The following CEP95 variants were observed in gnomAD, a reference collection of about 807,000 sequenced individuals.
The protein encoded by CEP95 is centrosomal protein of 95 kDa.
CEP95 carries 98 observed loss-of-function variants against 111.2 expected under a neutral mutation model. That is an observed-to-expected ratio of 0.88 (90% CI 0.75 to 1.04). CEP95 has a LOEUF of 1.04. CEP95 is among the 50% of genes least tolerant of loss of function. The pLI, the probability that CEP95 is intolerant of heterozygous loss-of-function variation, is 0.00. For missense variants in CEP95, 1,027 were observed against 977.2 expected, an observed-to-expected ratio of 1.05 and a Z score of -0.68; for synonymous variants, 323 against 327.1, an observed-to-expected ratio of 0.99 and a Z score of 0.14.
At chr17:64,508,014 A>G in intron 1 of CEP95, 1 of 985,230 alleles carries the variant, frequency 1.0e-6, no homozygotes, top group Non-Finnish European at 1.2e-6. Context: ...TTTCTTTCAT[A>G]TAGATCGATA....
intron 13 of CEP95, 117 bp from the exon 14 acceptor site, chr17:64,531,773 A>T: frequency 1.5e-6 from 1 of 678,076 alleles, no homozygotes; most frequent in South Asian, 3.9e-5. Context: ...GCTTACTGTT[A>T]GCTAAAAAAC....
chr17:64,508,012 A>C (rs1288775723), intron 1 of CEP95: 15 of 985,046 alleles, frequency 1.5e-5, no homozygotes, highest in Non-Finnish European at 1.7e-5. Flanking sequence ...ATTTTCTTTC[A>C]TATAGATCGA....
chr17:64,509,907 A>ATG (rs1249706047), intron 2 of CEP95, among the ~76,000 whole-genome samples: 1 of 149,958 alleles, frequency 6.7e-6, no homozygotes, highest in Non-Finnish European at 1.5e-5. Context: ...CTATATATCT[A>ATG]TATATATATA....
intron 2 of CEP95, among the ~76,000 whole-genome samples, chr17:64,509,930 AATATTCAACC>A (rs1172773652): frequency 6.6e-6 from 1 of 151,970 alleles, no homozygotes; most frequent in East Asian, 1.9e-4. Context: ...TGGTGTAATA[AATATTCAACC>A]GTATTCAACC....
In CEP95 at chr17:64,526,064, A is replaced by T. The variant is rs1555679023; in HGVS notation, c.1023-7A>T. 6.2e-7 allele frequency: 1 copy of T among 1,609,758 alleles called. No individual in the cohort carries two copies. The highest frequency in any genetic ancestry group is 8.5e-7 in the Non-Finnish European group (1 of 1,178,722). On this transcript the variant is annotated splice_polypyrimidine_tract_variant and splice_region_variant and intron_variant, in intron 9 of 19. Coordinates refer to ENST00000556440, the MANE Select transcript of CEP95 (RefSeq NM_138363.3). ...ATTTTACTGTCAAATGGTCACTTTT[A>T]TTACAGAAATGAAAACAGAGCTACA...
chr17:64,534,560 C>G (rs1242589584), intron 16 of CEP95, 25 bp from the exon 17 acceptor site: 1 of 1,606,990 alleles, frequency 6.2e-7, no homozygotes, highest in East Asian at 2.2e-5. Flanking sequence ...TTACCCTTCT[C>G]TTCCCTCCCC....
chr17:64,527,343 T>C (rs183166902), intron 11 of CEP95, 79 bp downstream of exon 11: 44 of 1,076,224 alleles, frequency 4.1e-5, no homozygotes, highest in Admixed American at 2.9e-4. Flanking sequence ...TAATAACTTA[T>C]ATTCTAATTT....
intron 3 of CEP95, 138 bp from the exon 4 acceptor site, chr17:64,514,110 C>T (rs1458984623): frequency 2.3e-6 from 1 of 442,492 alleles, no homozygotes. Context: ...TTTATTTAAT[C>T]TCCAAGGAGC....
chr17:64,507,501 G>A (rs2038620910), intron 1 of CEP95: 3 of 1,175,980 alleles, frequency 2.6e-6, no homozygotes, highest in Non-Finnish European at 3.2e-6. Flanking sequence ...GGTCTTTAAA[G>A]GAACAGCATT....
intron 19 of CEP95, 108 bp from the exon 20 acceptor site, chr17:64,537,495 A>T: frequency 2.1e-6 from 3 of 1,439,882 alleles, no homozygotes; most frequent in Non-Finnish European, 2.7e-6. Flanking sequence ...TTGCTAGATT[A>T]TTGAAAATTT....
Position 64,521,488 on chromosome 17 carries a change from A to T in CEP95, c.676A>T (p.Ser226Cys), listed in dbSNP as rs782486349. Residue 226 changes from serine to cysteine, a missense_variant, in exon 7 of 20, where the codon AGT becomes TGT. By Grantham distance (112) the Ser-to-Cys change is moderately radical. Coordinates refer to ENST00000556440, the MANE Select transcript of CEP95 (RefSeq NM_138363.3). ...ACATGAAGATATGTTGTACCCTCCT[A>T]GTGTTTTGTCCAAGAGTAGGACATC... ...KSHEDMLYPP[S>C]VLSKSRTSFV... is the part of the protein sequence containing the mutation. 1 of 1,612,634 alleles carries T rather than the reference A, an allele frequency of 6.2e-7. No homozygotes were observed. The highest frequency in any genetic ancestry group is 1.7e-5 in the Admixed American group (1 of 59,930).
In CEP95 at chr17:64,537,842, G is replaced by A. The variant is rs1324949723; in HGVS notation, c.*63G>A. ...CCTTTACCAGGACAGAGCTAGAATC[G>A]AGCCAGTAAACAGTCTAAGCCAGAA... On this transcript the variant is annotated 3_prime_UTR_variant, in exon 20 of 20. Transcript: ENST00000556440. 11 of 1,041,524 alleles carry A rather than the reference G, an allele frequency of 1.1e-5. No individual in the cohort carries two copies. The highest frequency in any genetic ancestry group is 2.8e-5 in the East Asian group (1 of 35,224). 64.5% of individuals were successfully genotyped at this position (1,041,524 alleles called of 1,614,324 possible). A position where few individuals can be genotyped will look rare whatever the true frequency, so the allele number is the denominator to read the frequency against.
chr17:64,515,759 C>T (rs1286286564), intron 4 of CEP95: 1 of 152,180 alleles, frequency 6.6e-6, no homozygotes, highest in Non-Finnish European at 1.5e-5. Context: ...TTTCCTAGAG[C>T]TGATCAGGTT....
intron 2 of CEP95, 29 bp downstream of exon 2, chr17:64,508,749 T>C: frequency 1.5e-6 from 2 of 1,306,618 alleles, no homozygotes; most frequent in Non-Finnish European, 2.0e-6. Context: ...GGAGTAATTT[T>C]GCCTATATCT....
intron 1 of CEP95, 80 bp downstream of exon 1, chr17:64,507,196 G>C: frequency 6.5e-7 from 1 of 1,538,964 alleles, no homozygotes; most frequent in Non-Finnish European, 8.8e-7. Flanking sequence ...GCCCGGACTG[G>C]GTCTGGGCTG....
At chr17:64,532,203 A>T (rs1022453738) in intron 14 of CEP95, 181 bp downstream of exon 14, 1 of 1,283,146 alleles carries the variant, frequency 7.8e-7, no homozygotes, top group East Asian at 3.0e-5. Flanking sequence ...TCAATAAGGA[A>T]GTACTTCAGG....
At chr17:64,519,574 T>C (rs1967150893) in intron 6 of CEP95, 138 bp downstream of exon 6, 2 of 624,280 alleles carry the variant, frequency 3.2e-6, no homozygotes, top group Admixed American at 2.8e-5. Flanking sequence ...AATATCCCAC[T>C]ACCCATTAAA....
At chr17:64,520,640 C>G (rs1406810502) in intron 6 of CEP95, 2 of 152,116 alleles carry the variant, frequency 1.3e-5, no homozygotes, top group African/African-American at 4.8e-5. Flanking sequence ...GCCATATTGG[C>G]TAAGCTGGTC....
Position 64,529,454 on chromosome 17 carries a change from T to G in CEP95, c.1446+27T>G, listed in dbSNP as rs188978804. 836 of 1,611,068 alleles carry G rather than the reference T, an allele frequency of 5.2e-4. 3 individuals carry two copies. Among genetic ancestry groups the G allele is most frequent in the Middle Eastern group, 1.7e-3 (10 of 6,030 alleles). Reference sequence around the variant, plus strand: ...TTCTTCCCCATCTCTTGACTACCATTAAGCAGCAGCCAGTACCATTTCCCC... The same window carrying G: ...TTCTTCCCCATCTCTTGACTACCATGAAGCAGCAGCCAGTACCATTTCCCC... On this transcript the variant is annotated intron_variant, in intron 12 of 19. Transcript: ENST00000556440.
Sources: gnomAD v4.1 joint callset for allele counts (sites outside exome capture counted in the v4.1 genomes callset) on GRCh38, gnomAD v4.1.1 for gene constraint, MANE v1.5 for transcripts, NCBI Gene and HGNC (gene_info 2026-07-23, HGNC 2026-07-21) for gene names.